Variants in PRKAR1B observed in about 807,000 individuals in gnomAD.
PRKAR1B encodes the protein cAMP-dependent protein kinase type I-beta regulatory subunit.
A neutral mutation model predicts 46.5 loss-of-function variants in PRKAR1B; 22 were observed. The ratio of observed to expected loss-of-function variants is 0.47; its 90% CI spans 0.34 to 0.68. The LOEUF is 0.68. PRKAR1B is among the 30% of genes least tolerant of loss of function. The probability of loss-of-function intolerance (pLI) is 0.01; values close to 1 mark genes in which losing one functional copy is unlikely to be tolerated. For synonymous variants in PRKAR1B, 259 were observed against 217.7 expected (o/e 1.19, Z -1.67); for missense variants, 445 against 535.6 (o/e 0.83, Z 1.67).
At chr7:552,927 C>A (rs1396575634) in intron 9 of PRKAR1B, among the ~76,000 whole-genome samples, 1 of 152,248 alleles carries the variant, frequency 6.6e-6, no homozygotes, top group Non-Finnish European at 1.5e-5. Context: ...GAGGGGTCTG[C>A]GGGTTGCCCA....
chr7:719,481 G>C (rs996740111), intron 1 of PRKAR1B, among the ~76,000 whole-genome samples: 1 of 152,160 alleles, frequency 6.6e-6, no homozygotes, highest in Admixed American at 6.6e-5. Context: ...ATCCAGCTAA[G>C]TTTTAATATT....
intron 4 of PRKAR1B, 103 bp from the exon 5 acceptor site, chr7:607,555 T>C (rs1176950047): frequency 1.5e-5 from 15 of 1,006,818 alleles, no homozygotes; most frequent in South Asian, 8.2e-5. Context: ...TTCACAGTCA[T>C]TGGGGAAAAT....
intron 8 of PRKAR1B, among the ~76,000 whole-genome samples, chr7:582,451 T>C (rs531854732): frequency 6.6e-6 from 1 of 152,368 alleles, no homozygotes; most frequent in Admixed American, 6.5e-5. Flanking sequence ...TTTGTGCCGA[T>C]GCTGACTGGG....
chr7:585,701 C>A (rs184563407), intron 7 of PRKAR1B, among the ~76,000 whole-genome samples: 1 of 152,066 alleles, frequency 6.6e-6, no homozygotes, highest in Non-Finnish European at 1.5e-5. Flanking sequence ...AACAGATAAC[C>A]CTGAGAGGGG....
chr7:646,107 G>A (rs2128487475), intron 4 of PRKAR1B, among the ~76,000 whole-genome samples: 1 of 152,182 alleles, frequency 6.6e-6, no homozygotes, highest in South Asian at 2.1e-4. Flanking sequence ...GTGCAGTGGT[G>A]CAATCATAGC....
At chr7:635,657 A>G (rs1482896894) in intron 4 of PRKAR1B, among the ~76,000 whole-genome samples, 2 of 152,134 alleles carry the variant, frequency 1.3e-5, no homozygotes, top group Non-Finnish European at 2.9e-5. Flanking sequence ...GCTTAGGAAA[A>G]AGGGCTTCTC....
At chr7:726,357 C>T (rs1781278341) in intron 1 of PRKAR1B, among the ~76,000 whole-genome samples, 1 of 152,208 alleles carries the variant, frequency 6.6e-6, no homozygotes, top group Non-Finnish European at 1.5e-5. Context: ...TTCCCGGCTA[C>T]CCTGGTCCCA....
At position 579,337 on chromosome 7, in the gene PRKAR1B, C is replaced by G. The variant is rs77809618; in HGVS notation, c.810G>C (p.Ala270=). 1 of 1,614,016 alleles carries G rather than the reference C, an allele frequency of 6.2e-7. No homozygotes were observed. Among genetic ancestry groups the G allele is most frequent in the Non-Finnish European group, 8.5e-7 (1 of 1,180,042 alleles). ...EKWERLTVAD[A]LEPVQFEDGE... Reference sequence around the variant, plus strand: ...CATCTTCAAACTGGACGGGCTCCAGCGCATCCGCCACGGTCAGACGCTCCC... The same window carrying G: ...CATCTTCAAACTGGACGGGCTCCAGGGCATCCGCCACGGTCAGACGCTCCC... The change falls in exon 9 of 11, where the codon GCG becomes GCC. Residue 270 remains alanine, a synonymous_variant. Coordinates refer to ENST00000537384, the MANE Select transcript of PRKAR1B (RefSeq NM_001164760.2).
At chr7:703,657 A>G (rs1055134101) in intron 2 of PRKAR1B, among the ~76,000 whole-genome samples, 1 of 144,750 alleles carries the variant, frequency 6.9e-6, no homozygotes, top group African/African-American at 2.6e-5. Flanking sequence ...CTCTGTCTCA[A>G]AAAAAAAAAA....
intron 4 of PRKAR1B, among the ~76,000 whole-genome samples, chr7:641,020 C>T (rs1399322743): frequency 5.9e-5 from 9 of 152,122 alleles, no homozygotes; most frequent in African/African-American, 1.9e-4. Context: ...GTGGTGCCAT[C>T]TGGCTCCCTG....
chr7:619,334 T>C (rs969327163), intron 4 of PRKAR1B, among the ~76,000 whole-genome samples: 5 of 152,214 alleles, frequency 3.3e-5, no homozygotes, highest in Admixed American at 6.5e-5. Flanking sequence ...TCACTGTTGT[T>C]AAGGCCAAGT....
intron 6 of PRKAR1B, among the ~76,000 whole-genome samples, chr7:604,971 T>C (rs1289446329): frequency 6.6e-6 from 1 of 152,094 alleles, no homozygotes; most frequent in Non-Finnish European, 1.5e-5. Context: ...CGTCCTGCAC[T>C]GTGGGGGCTT....
intron 2 of PRKAR1B, among the ~76,000 whole-genome samples, chr7:694,805 G>A (rs948329437): frequency 6.6e-6 from 1 of 152,154 alleles, no homozygotes; most frequent in Admixed American, 6.5e-5. Context: ...GGAGGCCAAG[G>A]TGGGTGGATC....
At chr7:718,887 G>A in intron 1 of PRKAR1B, among the ~76,000 whole-genome samples, 1 of 5,952 alleles carries the variant, frequency 1.7e-4, no homozygotes, top group Non-Finnish European at 4.5e-4. Context: ...TTTTTTTTTT[G>A]ATGAGATAAG....
At chr7:674,565 C>T (rs1025043992) in intron 4 of PRKAR1B, among the ~76,000 whole-genome samples, 5 of 152,162 alleles carry the variant, frequency 3.3e-5, no homozygotes, top group Admixed American at 2.6e-4. Context: ...CACCCAGCTA[C>T]TCTGGCCACA....
chr7:613,663 C>T (rs1245786823), intron 4 of PRKAR1B, among the ~76,000 whole-genome samples: 1 of 152,124 alleles, frequency 6.6e-6, no homozygotes, highest in Non-Finnish European at 1.5e-5. Context: ...ACAGGTCCAG[C>T]TCCCACTACG....
rs545153454 is a variant in PRKAR1B at position 602,209 on chromosome 7, T to C, written c.549+3984A>G. On this transcript the variant is annotated intron_variant, in intron 6 of 10. Coordinates refer to ENST00000537384, the MANE Select transcript of PRKAR1B (RefSeq NM_001164760.2). The surrounding 1 kb of genome is among the most constrained non-coding windows in gnomAD (Gnocchi z 6.4). The stretch of plus-strand genomic sequence containing the variant: ...GTGAGCTCAGGGCTGGAGGAAACGG[T>C]CCCTGCTTTGAAGTGGCTCCGGCAC... 1.5e-4 allele frequency among the ~76,000 whole-genome samples: 22 copies of C among 151,718 alleles called. No homozygotes were observed. In the South Asian group the frequency reaches 2.5e-3, roughly 17 times the overall value.
chr7:596,713 A>G (rs552393895), intron 6 of PRKAR1B, among the ~76,000 whole-genome samples: 3 of 152,374 alleles, frequency 2.0e-5, no homozygotes, highest in East Asian at 3.9e-4. Context: ...CTGCACCGTG[A>G]TGAGCTGGAG....
At chr7:610,025 G>A (rs998882818) in intron 4 of PRKAR1B, among the ~76,000 whole-genome samples, 10 of 152,192 alleles carry the variant, frequency 6.6e-5, no homozygotes, top group Admixed American at 5.2e-4. Context: ...TTACAGGCAT[G>A]AGCCGCTGCA....
Sources: allele counts gnomAD v4.1 joint callset (sites outside exome capture counted in the v4.1 genomes callset), GRCh38; gene constraint gnomAD v4.1.1; non-coding constraint Gnocchi (gnomAD v3.1); transcripts MANE v1.5; gene names NCBI Gene and HGNC (gene_info 2026-07-23, HGNC 2026-07-21).